The following CDH23 variants were observed in gnomAD, a reference collection of about 807,000 sequenced individuals.
CDH23 encodes the protein cadherin-23.
Under a neutral mutation model 317.1 loss-of-function variants are expected in CDH23, and 189 were observed. The ratio of observed to expected loss-of-function variants is 0.60; its 90% CI spans 0.53 to 0.67. The LOEUF (loss-of-function observed/expected upper bound fraction) is 0.67. CDH23 is among the 30% of genes least tolerant of loss of function. CDH23 has a pLI of 0.00. For synonymous variants in CDH23, 1,839 were observed against 1,876.8 expected (o/e 0.98, Z 0.52); for missense variants, 4,401 against 4,592.4 (o/e 0.96, Z 1.20).
At chr10:71,655,919 C>T (rs909593237) in intron 14 of CDH23, among the ~76,000 whole-genome samples, 2 of 152,108 alleles carry the variant, frequency 1.3e-5, no homozygotes, top group Non-Finnish European at 2.9e-5. Context: ...TGCCAGGCTC[C>T]CCCAACATCC....
chr10:71,810,458 C>A lies in CDH23; in HGVS notation c.8980-14C>A, dbSNP rs45522532. 14,252 of 1,613,146 alleles carry A rather than the reference C, an allele frequency of 8.8e-3. 97 individuals carry two copies. The highest frequency in any genetic ancestry group is 0.026 in the Middle Eastern group (160 of 6,058). ...CTGTGGTGGCCACACCCTACAATAC[C>A]CCTTCTCATCTAGTTCCATGTGGAC... On this transcript the variant is annotated splice_polypyrimidine_tract_variant and intron_variant, in intron 61 of 69. Transcript: ENST00000224721.
chr10:71,734,249 A>C lies in CDH23; in HGVS notation c.4114A>C (p.Thr1372Pro). 6.2e-7 allele frequency: 1 copy of C among 1,610,166 alleles called. No individual in the cohort carries two copies. Among genetic ancestry groups the C allele is most frequent in the Non-Finnish European group, 8.5e-7 (1 of 1,178,334 alleles). The change falls in exon 33 of 70, where the codon ACA becomes CCA. Residue 1372 changes from threonine to proline, a missense_variant. Physicochemically the swap from Thr to Pro is conservative, Grantham distance 38. Coordinates refer to ENST00000224721, the MANE Select transcript of CDH23 (RefSeq NM_022124.6). ...FKIDAITGVI[T>P]VQGLVDREKG... Reference sequence around the variant, plus strand: ...GGCCCCTTCCCTGCAGGGTGTGATCACAGTCCAGGGCCTGGTGGACCGTGA... The same window carrying C: ...GGCCCCTTCCCTGCAGGGTGTGATCCCAGTCCAGGGCCTGGTGGACCGTGA...
chr10:71,773,089 T>C lies in CDH23; in HGVS notation c.4846-4591T>C, dbSNP rs377111837. Among the ~76,000 whole-genome samples, 169 of 152,148 alleles carry C rather than the reference T, an allele frequency of 1.1e-3. No individual in the cohort carries two copies. The South Asian group carries it at 0.017, about 16-fold the overall frequency. On this transcript the variant is annotated intron_variant, in intron 38 of 69. Transcript: ENST00000224721. ...CTGGGTTCTCTGGGCAGGGAAGGGC[T>C]GGACAGGCAGCCCTCAGGGGACAGC...
intron 46 of CDH23, 54 bp downstream of exon 46, chr10:71,790,467 C>A: frequency 2.5e-6 from 4 of 1,594,000 alleles, no homozygotes; most frequent in Non-Finnish European, 3.4e-6. Context: ...GTGGGGATGG[C>A]CACACTGCTG....
chr10:71,629,028 G>A lies in CDH23; in HGVS notation c.1134+11635G>A, dbSNP rs1861883060. Among the ~76,000 whole-genome samples the A allele has an allele frequency of 1.3e-5, 2 of 152,206 alleles. 1 individual carries two copies. Among genetic ancestry groups the A allele is most frequent in the South Asian group, 4.1e-4 (2 of 4,836 alleles). On this transcript the variant is annotated intron_variant, in intron 11 of 69. Coordinates refer to ENST00000224721, the MANE Select transcript of CDH23 (RefSeq NM_022124.6). The stretch of plus-strand genomic sequence containing the variant: ...CTAGCGAAGCACACAGGTAGCAGGC[G>A]CCCACGGGCCTCTGGCAGGAACAAG...
chr10:71,682,643 A>G (rs1864703850), intron 18 of CDH23, 71 bp downstream of exon 18: 8 of 1,561,252 alleles, frequency 5.1e-6, no homozygotes, highest in Non-Finnish European at 7.0e-6. Flanking sequence ...TGAACCCAGT[A>G]CTGTAGGACT....
intron 3 of CDH23, among the ~76,000 whole-genome samples, chr10:71,502,961 C>T (rs1310063828): frequency 1.3e-5 from 2 of 152,238 alleles, no homozygotes; most frequent in African/African-American, 4.8e-5. Context: ...GTACTGCTCT[C>T]CAGGAGCCGC....
At chr10:71,425,414 G>GGAA (rs1564571692) in intron 1 of CDH23, among the ~76,000 whole-genome samples, 6 of 16,886 alleles carry the variant, frequency 3.6e-4, no homozygotes, top group African/African-American at 7.0e-4. Flanking sequence ...GAAGGAAGGA[G>GGAA]GGAAGGAAGG....
Position 71,702,576 on chromosome 10 carries a change from G to C in CDH23, c.2615G>C (p.Ser872Thr). ...GGCAGGCCCCCTCTGAAAGCCACCAGCAGTGCCACAGTGTTTGTGAACCTC... is the reference window on the plus strand; with the variant it reads ...GGCAGGCCCCCTCTGAAAGCCACCACCAGTGCCACAGTGTTTGTGAACCTC... Reference protein sequence around the residue: ...DCGRPPLKATSSATVFVNLLD... With the variant: ...DCGRPPLKATTSATVFVNLLD... Residue 872 changes from serine to threonine, a missense_variant, in exon 24 of 70, where the codon AGC becomes ACC. Ser to Thr is a moderately conservative substitution (Grantham distance 58). Transcript: ENST00000224721. 1 of 1,613,986 alleles carries C rather than the reference G, an allele frequency of 6.2e-7. No individual in the cohort carries two copies. The highest frequency in any genetic ancestry group is 8.5e-7 in the Non-Finnish European group (1 of 1,179,884).
intron 41 of CDH23, 93 bp from the exon 42 acceptor site, chr10:71,784,194 G>A: frequency 1.4e-6 from 2 of 1,412,708 alleles, no homozygotes; most frequent in Non-Finnish European, 1.9e-6. Flanking sequence ...CCTGTGACGA[G>A]TGAGGCTTGC....
chr10:71,462,906 T>C (rs1024909022), intron 3 of CDH23, among the ~76,000 whole-genome samples: 1 of 152,232 alleles, frequency 6.6e-6, no homozygotes, highest in African/African-American at 2.4e-5. Context: ...GGAGTGCTTC[T>C]TTGGGCCAGG....
chr10:71,607,431 A>G (rs1860597144), intron 9 of CDH23, among the ~76,000 whole-genome samples: 1 of 152,232 alleles, frequency 6.6e-6, no homozygotes, highest in African/African-American at 2.4e-5. Flanking sequence ...AAATGAGGAT[A>G]GTGTGTCTGT....
chr10:71,629,625 C>G (rs2132549524), intron 11 of CDH23, among the ~76,000 whole-genome samples: 1 of 152,352 alleles, frequency 6.6e-6, no homozygotes. Flanking sequence ...AATGGAGAAA[C>G]TGAATGTGAT....
chr10:71,456,074 G>C (rs896351302), intron 3 of CDH23, among the ~76,000 whole-genome samples: 3 of 151,958 alleles, frequency 2.0e-5, no homozygotes, highest in African/African-American at 4.8e-5. Context: ...TTGAAGTTTG[G>C]AGAAGAGTCT....
At chr10:71,499,565 T>A (rs1365674984) in intron 3 of CDH23, among the ~76,000 whole-genome samples, 1 of 132,630 alleles carries the variant, frequency 7.5e-6, no homozygotes, top group Admixed American at 8.0e-5. Flanking sequence ...TCCAGCCAGG[T>A]GCCGTGGCTC....
chr10:71,473,651 A>G (rs993265855), intron 3 of CDH23, among the ~76,000 whole-genome samples: 2 of 152,224 alleles, frequency 1.3e-5, no homozygotes, highest in African/African-American at 2.4e-5. Context: ...CTTACTTCCA[A>G]CATTCTTGGG....
At chr10:71,451,184 C>T (rs1285492991) in intron 3 of CDH23, among the ~76,000 whole-genome samples, 4 of 152,156 alleles carry the variant, frequency 2.6e-5, no homozygotes, top group Non-Finnish European at 5.9e-5. Context: ...ACCTCTCGGC[C>T]CTTCCACTCC....
chr10:71,604,595 G>A (rs1257416363), intron 9 of CDH23, among the ~76,000 whole-genome samples: 1 of 152,216 alleles, frequency 6.6e-6, no homozygotes, highest in Non-Finnish European at 1.5e-5. Flanking sequence ...ACAGCTTCCT[G>A]TGAACTCTCT....
At chr10:71,510,376 A>C (rs370785479) in intron 4 of CDH23, among the ~76,000 whole-genome samples, 152 bp downstream of exon 4, 4 of 152,224 alleles carry the variant, frequency 2.6e-5, no homozygotes, top group African/African-American at 7.2e-5. Flanking sequence ...ATTCCTCTTC[A>C]AGGGCCAATG....
Sources: allele counts gnomAD v4.1 joint callset (sites outside exome capture counted in the v4.1 genomes callset), GRCh38; gene constraint gnomAD v4.1.1; transcripts MANE v1.5; gene names NCBI Gene and HGNC (gene_info 2026-07-23, HGNC 2026-07-21).